The following NKTR variants were observed in gnomAD, a reference collection of about 807,000 sequenced individuals.
NKTR encodes natural killer cell triggering receptor, also known as NK-tumor recognition protein.
Under a neutral mutation model 156.3 loss-of-function variants are expected in NKTR, and 67 were observed. That is an observed-to-expected ratio of 0.43 (90% CI 0.35 to 0.53). The LOEUF is 0.53. Among genes scored for constraint, NKTR ranks in the 20% least tolerant of loss-of-function variants. The probability of loss-of-function intolerance (pLI) is 0.01; values close to 1 mark genes in which losing one functional copy is unlikely to be tolerated. For missense variants in NKTR, 1,604 were observed against 1,730.9 expected, an observed-to-expected ratio of 0.93 and a Z score of 1.30; for synonymous variants, 640 against 596.6, an observed-to-expected ratio of 1.07 and a Z score of -1.06.
At chr3:42,642,334 TTG>T (rs1367504294) in intron 13 of NKTR, among the ~76,000 whole-genome samples, 165 bp from the exon 14 acceptor site, 3 of 152,138 alleles carry the variant, frequency 2.0e-5, no homozygotes, top group African/African-American at 7.2e-5. Context: ...TTAACCATGG[TTG>T]TTTTGAGAGT....
At position 42,621,973 on chromosome 3, in the gene NKTR, TGA is replaced by T. The variant is rs1409981392; in HGVS notation, c.374+463_374+464del. ...TTACTGTTGCTCTTTGAGGCAATTTTGAGAGAGGTACTATTATTTTCTGATGT... is the reference window on the plus strand; with the variant it reads ...TTACTGTTGCTCTTTGAGGCAATTTTGAGAGGTACTATTATTTTCTGATGT... On this transcript the variant is annotated intron_variant, in intron 6 of 16. Coordinates refer to ENST00000232978, the MANE Select transcript of NKTR (RefSeq NM_005385.4). Among the ~76,000 whole-genome samples, 9 of 152,090 alleles carry T rather than the reference TGA, an allele frequency of 5.9e-5. No homozygotes were observed. In the East Asian group the frequency reaches 1.7e-3, roughly 29 times the overall value.
chr3:42,625,502 A>G (rs1337378273), intron 6 of NKTR, among the ~76,000 whole-genome samples: 1 of 152,138 alleles, frequency 6.6e-6, no homozygotes, highest in Non-Finnish European at 1.5e-5. Flanking sequence ...TGAATGGGAG[A>G]GAAGTGCTGA....
chr3:42,639,564 T>G lies in NKTR; in HGVS notation c.3860T>G (p.Leu1287Ter), dbSNP rs1559591839. The G allele has an allele frequency of 6.2e-7, 1 of 1,614,194 alleles. No homozygotes were observed. Among genetic ancestry groups the G allele is most frequent in the Admixed American group, 1.7e-5 (1 of 60,028 alleles). ...GATGAAGTAAGAAAGACAGCACGCT[T>G]AAACCGTAGACCAAGAAATCAGGAG... ...LFDEVRKTAR[L>*]NRRPRNQESS... Residue 1287 changes from leucine (L) to a stop codon, truncating the protein, a stop_gained, in exon 13 of 17, where the codon TTA becomes TGA. Coordinates refer to ENST00000232978, the MANE Select transcript of NKTR (RefSeq NM_005385.4). LOFTEE classifies it high-confidence loss of function.
intron 11 of NKTR, 116 bp from the exon 12 acceptor site, chr3:42,635,105 T>A (rs1316524824): frequency 8.8e-6 from 6 of 679,488 alleles, no homozygotes; most frequent in Middle Eastern, 3.3e-4. Flanking sequence ...TTTTGGTAAC[T>A]TCAATCATTA....
intron 14 of NKTR, 46 bp downstream of exon 14, chr3:42,642,642 CT>C: frequency 7.5e-7 from 1 of 1,334,248 alleles, no homozygotes; most frequent in Non-Finnish European, 1.1e-6. Context: ...ATCATGTCCA[CT>C]TTTTAAGGCT....
chr3:42,628,328 A>G, intron 6 of NKTR: 4 of 985,406 alleles, frequency 4.1e-6, no homozygotes, highest in Non-Finnish European at 4.8e-6. Context: ...AAGTTTGCCT[A>G]TTCTTGGCAG....
intron 6 of NKTR, chr3:42,629,558 C>T (rs1390097559): frequency 3.3e-5 from 32 of 984,236 alleles, no homozygotes; most frequent in Non-Finnish European, 3.9e-5. Flanking sequence ...GCTTCTAGTA[C>T]AGTTGACTGC....
chr3:42,645,174 G>A (rs1453276417), intron 16 of NKTR, among the ~76,000 whole-genome samples: 1 of 148,304 alleles, frequency 6.7e-6, no homozygotes, highest in Non-Finnish European at 1.5e-5. Context: ...AACTATTTGT[G>A]CACCTTTTCC....
intron 12 of NKTR, 171 bp downstream of exon 12, chr3:42,635,537 G>C: frequency 2.1e-6 from 1 of 475,710 alleles, no homozygotes; most frequent in Middle Eastern, 5.5e-4. Context: ...CTGTTAACTA[G>C]TTGGGCTTTT....
intron 5 of NKTR, chr3:42,620,200 C>T: frequency 1.6e-6 from 2 of 1,275,688 alleles, no homozygotes; most frequent in East Asian, 6.1e-5. Context: ...GCTTCTGTAT[C>T]TTTTTTCATT....
chr3:42,606,123 G>T (rs1455505738), intron 2 of NKTR, among the ~76,000 whole-genome samples: 1 of 152,032 alleles, frequency 6.6e-6, no homozygotes, highest in Admixed American at 6.6e-5. Flanking sequence ...GCAGAAATGA[G>T]GTTTGGTCAG....
At chr3:42,601,175 C>T (rs1705397955) in intron 2 of NKTR, 111 bp downstream of exon 2, 1 of 830,214 alleles carries the variant, frequency 1.2e-6, no homozygotes, top group Non-Finnish European at 1.8e-6. Context: ...GTAGGAGGCG[C>T]AGGCAACTTT....
At chr3:42,623,980 G>A (rs537042710) in intron 6 of NKTR, among the ~76,000 whole-genome samples, 2 of 152,152 alleles carry the variant, frequency 1.3e-5, no homozygotes, top group East Asian at 1.9e-4. Context: ...TAGATTTGGT[G>A]CTGTTAGTAT....
chr3:42,645,982 C>T lies in NKTR; in HGVS notation c.*7C>T. ...GAGCAGCAGATACAGTTGAAAACGT[C>T]CGGATACAAATTATATCTTATTTGT... On this transcript the variant is annotated 3_prime_UTR_variant, in exon 17 of 17. Coordinates refer to ENST00000232978, the MANE Select transcript of NKTR (RefSeq NM_005385.4). 1.2e-6 allele frequency: 2 copies of T among 1,600,598 alleles called. No homozygotes were observed. The highest frequency in any genetic ancestry group is 1.7e-6 in the Non-Finnish European group (2 of 1,168,320).
intron 6 of NKTR, chr3:42,627,237 C>T: frequency 1.0e-6 from 1 of 985,376 alleles, no homozygotes; most frequent in South Asian, 4.7e-5. Flanking sequence ...GGTAATGTCT[C>T]ATTACTCTAA....
Position 42,629,211 on chromosome 3 carries a change from T to G in NKTR, c.375-1335T>G, listed in dbSNP as rs564313483. The G allele has an allele frequency of 1.1e-5, 11 of 984,930 alleles. No homozygotes were observed. In the South Asian group the frequency reaches 4.2e-4, roughly 38 times the overall value. 61.0% of individuals were successfully genotyped at this position (984,930 alleles called of 1,614,324 possible). A position where few individuals can be genotyped will look rare whatever the true frequency, so the allele number is the denominator to read the frequency against. On this transcript the variant is annotated intron_variant, in intron 6 of 16. Coordinates refer to ENST00000232978, the MANE Select transcript of NKTR (RefSeq NM_005385.4). Reference sequence around the variant, plus strand: ...AGTGGCTCACTAATTCACTAGATAGTTTTTGTTCTGTTTTCTTTTTGCTGC... The same window carrying G: ...AGTGGCTCACTAATTCACTAGATAGGTTTTGTTCTGTTTTCTTTTTGCTGC...
chr3:42,632,929 G>A (rs928933933), intron 9 of NKTR, 106 bp downstream of exon 9: 117 of 1,321,742 alleles, frequency 8.9e-5, no homozygotes, highest in Non-Finnish European at 1.1e-4. Flanking sequence ...TATTGAAAAA[G>A]GATAGCACTT....
chr3:42,640,129 T>C (rs567819314), intron 13 of NKTR, among the ~76,000 whole-genome samples: 76 of 152,294 alleles, frequency 5.0e-4, no homozygotes, highest in African/African-American at 1.6e-3. Context: ...AACCTTCCAT[T>C]TTACACATGT....
Position 42,619,662 on chromosome 3 carries a change from A to G in NKTR, c.242-2A>G. The G allele has an allele frequency of 6.2e-7, 1 of 1,604,054 alleles. No homozygotes were observed. Among genetic ancestry groups the G allele is most frequent in the Non-Finnish European group, 8.5e-7 (1 of 1,171,988 alleles). Reference sequence around the variant, plus strand: ...TGGCTTAAAGTAGGTGATTATTTGCAGGTAATGGAAAAGGTGGAGAATCAA... The same window carrying G: ...TGGCTTAAAGTAGGTGATTATTTGCGGGTAATGGAAAAGGTGGAGAATCAA... On this transcript the variant is annotated splice_acceptor_variant, in intron 4 of 16. Coordinates refer to ENST00000232978, the MANE Select transcript of NKTR (RefSeq NM_005385.4). LOFTEE classifies it high-confidence loss of function.
Sources: gnomAD v4.1 joint callset for allele counts (sites outside exome capture counted in the v4.1 genomes callset) on GRCh38, gnomAD v4.1.1 for gene constraint, MANE v1.5 for transcripts, NCBI Gene and HGNC (gene_info 2026-07-23, HGNC 2026-07-21) for gene names.